Variants in MICALL1 observed in about 807,000 individuals in gnomAD.
The protein encoded by MICALL1 is MICAL-like protein 1.
A neutral mutation model predicts 83.7 loss-of-function variants in MICALL1; 61 were observed. That is an observed-to-expected ratio of 0.73 (90% CI 0.59 to 0.90). MICALL1 has a LOEUF of 0.90. Ranked by LOEUF, MICALL1 falls within the 40% of genes least tolerant of loss-of-function variation. The probability of loss-of-function intolerance (pLI) is 0.00; values close to 1 mark genes in which losing one functional copy is unlikely to be tolerated. For synonymous variants in MICALL1, 481 were observed against 473.6 expected, an observed-to-expected ratio of 1.02 and a Z score of -0.20; for missense variants, 1,066 against 1,152.0, an observed-to-expected ratio of 0.93 and a Z score of 1.08.
rs897655503 is a variant in MICALL1 at position 37,927,744 on chromosome 22, C to T, written c.1799C>T (p.Ala600Val). 1.9e-6 allele frequency: 3 copies of T among 1,613,860 alleles called. No homozygotes were observed. Among genetic ancestry groups the T allele is most frequent in the Admixed American group, 3.3e-5 (2 of 60,012 alleles). The change falls in exon 9 of 16, where the codon GCC (alanine) becomes GTC (valine). Residue 600 changes from alanine (A) to valine (V), a missense_variant. Transcript: ENST00000215957. ...CAGCCAGCCAAGCCCTGCAGTGGCG[C>T]CACCCCAACGCCTCTCTTGTTGGTT... ...GPQPAKPCSG[A>V]TPTPLLLVGD...
Position 37,942,000 on chromosome 22 carries a change from T to C in MICALL1, c.*1170T>C, listed in dbSNP as rs553429988. ...TTTCCTCACCAATAAACAGACAACC[T>C]CAACTGCCAGTGCCCTGCAGCCTCG... On this transcript the variant is annotated 3_prime_UTR_variant, in exon 16 of 16. Coordinates refer to ENST00000215957, the MANE Select transcript of MICALL1 (RefSeq NM_033386.4). The C allele has an allele frequency of 6.6e-6, 1 of 152,354 alleles. No individual in the cohort carries two copies. The highest frequency in any genetic ancestry group is 1.5e-5 in the Non-Finnish European group (1 of 68,060). 9.4% of individuals were successfully genotyped at this position (152,354 alleles called of 1,614,324 possible).
chr22:37,932,547 G>T lies in MICALL1; in HGVS notation c.2017-6G>T, dbSNP rs1290458946. 7 of 1,613,902 alleles carry T rather than the reference G, an allele frequency of 4.3e-6. No individual in the cohort carries two copies. The highest frequency in any genetic ancestry group is 2.2e-5 in the South Asian group (2 of 91,054). On this transcript the variant is annotated splice_region_variant and splice_polypyrimidine_tract_variant and intron_variant, in intron 10 of 15. Coordinates refer to ENST00000215957, the MANE Select transcript of MICALL1 (RefSeq NM_033386.4). This position sits in a 1 kb window ranked among gnomAD's most constrained non-coding sequence, Gnocchi z 4.4. Reference sequence around the variant, plus strand: ...GGCCGTCAGGTGACCAGGCACTGTTGGGCAGGTCCAGGCTGACCAGTACAT... The same window carrying T: ...GGCCGTCAGGTGACCAGGCACTGTTTGGCAGGTCCAGGCTGACCAGTACAT...
chr22:37,919,848 G>A (rs1297531876), intron 5 of MICALL1, among the ~76,000 whole-genome samples: 1 of 151,994 alleles, frequency 6.6e-6, no homozygotes, highest in African/African-American at 2.4e-5. Flanking sequence ...AATTAGCTGG[G>A]TGTGGTCGTG....
chr22:37,913,660 A>G (rs1251910311), intron 3 of MICALL1, among the ~76,000 whole-genome samples: 2 of 152,158 alleles, frequency 1.3e-5, no homozygotes, highest in Admixed American at 6.6e-5. Context: ...CCTCCCTTGC[A>G]GGTAGCTGGG....
chr22:37,925,697 G>A lies in MICALL1; in HGVS notation c.1119G>A (p.Thr373=), dbSNP rs199628702. 110 of 1,606,216 alleles carry A rather than the reference G, an allele frequency of 6.8e-5. No individual in the cohort carries two copies. The highest frequency in any genetic ancestry group is 1.9e-4 in the Admixed American group (11 of 59,356). ...PAPRKDPPWI[T]LVQAEPKKKP... is the part of the protein sequence containing the mutation. The stretch of plus-strand genomic sequence containing the variant: ...CCAGGAAGGACCCCCCATGGATCAC[G>A]CTGGTGCAGGCAGAACCAAAGAAGA... The change falls in exon 8 of 16, where the codon ACG becomes ACA. Residue 373 remains threonine, a synonymous_variant. Coordinates refer to ENST00000215957, the MANE Select transcript of MICALL1 (RefSeq NM_033386.4).
In MICALL1 at chr22:37,925,127, G is replaced by A. The variant is rs148125108; in HGVS notation, c.1082+410G>A. Reference sequence around the variant, plus strand: ...AGCACGGGACCCTGCTTCACGTGGAGGACATCTACTTCAGCTGTTATTTGA... The same window carrying A: ...AGCACGGGACCCTGCTTCACGTGGAAGACATCTACTTCAGCTGTTATTTGA... On this transcript the variant is annotated intron_variant, in intron 7 of 15. Transcript: ENST00000215957. Among the ~76,000 whole-genome samples the A allele has an allele frequency of 9.2e-3, 1,408 of 152,322 alleles. 19 individuals are homozygous for A. Among genetic ancestry groups the A allele is most frequent in the Non-Finnish European group, 0.014 (951 of 68,034 alleles).
Position 37,927,465 on chromosome 22 carries a change from C to T in MICALL1, c.1520C>T (p.Pro507Leu). 6.2e-7 allele frequency: 1 copy of T among 1,607,400 alleles called. No individual in the cohort carries two copies. The highest frequency in any genetic ancestry group is 1.1e-5 in the South Asian group (1 of 90,978). ...HSEPPSATPS[P>L]ALSVESLSSE... ...GAGCCGCCCTCGGCCACACCATCGC[C>T]AGCGCTCAGCGTGGAGAGCCTGTCG... is the stretch of plus-strand genomic sequence containing the variant. Residue 507 changes from proline (P) to leucine (L), a missense_variant, in exon 9 of 16, where the codon CCA (proline) becomes CTA (leucine). By Grantham distance (98) the Pro-to-Leu change is moderately conservative. Coordinates refer to ENST00000215957, the MANE Select transcript of MICALL1 (RefSeq NM_033386.4).
intron 9 of MICALL1, among the ~76,000 whole-genome samples, chr22:37,929,614 C>CCAGG (rs953661388): frequency 6.6e-6 from 1 of 152,170 alleles, no homozygotes; most frequent in African/African-American, 2.4e-5. Flanking sequence ...GGGCACCCAT[C>CCAGG]CAGGCTGCTC....
At chr22:37,921,947 G>T in intron 5 of MICALL1, 25 bp from the exon 6 acceptor site, 1 of 1,514,264 alleles carries the variant, frequency 6.6e-7, no homozygotes, top group Non-Finnish European at 8.9e-7. Flanking sequence ...CTGGCTAAGT[G>T]AACCCCTGTC....
Position 37,939,773 on chromosome 22 carries a change from C to CAAAAAA in MICALL1, c.2471-917_2471-912dup, listed in dbSNP as rs147934175. Among the ~76,000 whole-genome samples, 20 of 44,336 alleles carry CAAAAAA rather than the reference C, an allele frequency of 4.5e-4. 1 individual carries two copies. The highest frequency in any genetic ancestry group is 6.9e-4 in the Non-Finnish European group (17 of 24,792). 29.1% of individuals were successfully genotyped at this position (44,336 alleles called of 152,430 possible). ...TGGGCGACAGCACAAGTCTCCGTCTCAAAAAAAAAAAAAAAAAAAAAAAAG... is the reference window on the plus strand; with the variant it reads ...TGGGCGACAGCACAAGTCTCCGTCTCAAAAAAAAAAAAAAAAAAAAAAAAAAAAAAG... On this transcript the variant is annotated intron_variant, in intron 15 of 15. Transcript: ENST00000215957.
intron 1 of MICALL1, 69 bp from the exon 2 acceptor site, chr22:37,911,883 C>G (rs368947905): frequency 6.6e-7 from 1 of 1,509,828 alleles, no homozygotes. Flanking sequence ...TCCTTTCTGA[C>G]TCTGACCCCG....
In MICALL1 at chr22:37,919,298, C is replaced by T; in HGVS notation, c.569+120C>T. 2.4e-6 allele frequency: 3 copies of T among 1,237,538 alleles called. No homozygotes were observed. The South Asian group carries it at 6.1e-5, about 25-fold the overall frequency. 76.7% of individuals were successfully genotyped at this position (1,237,538 alleles called of 1,614,324 possible). On this transcript the variant is annotated intron_variant, in intron 5 of 15. Transcript: ENST00000215957. ...TCACACCAGAGCCCCTGGCTTATCC[C>T]CATTTTACTGATGAGCAAACCAAGG... is the stretch of plus-strand genomic sequence containing the variant.
intron 15 of MICALL1, 72 bp downstream of exon 15, chr22:37,937,864 G>T (rs760130409): frequency 2.3e-5 from 37 of 1,594,054 alleles, no homozygotes; most frequent in Non-Finnish European, 3.2e-5. Flanking sequence ...GGAGGGACTG[G>T]TTGAAGGGAG....
Position 37,924,528 on chromosome 22 carries a change from TG to T in MICALL1, c.1025-130del. On this transcript the variant is annotated intron_variant, in intron 6 of 15. Transcript: ENST00000215957. The surrounding 1 kb of genome is among the most constrained non-coding windows in gnomAD (Gnocchi z 5.2). ...GGGTGCTTATCTAATCTCCATGGGC[TG>T]GCCTGGGGAGGTGCGAGGGTGCCAG... 2.6e-6 allele frequency: 2 copies of T among 782,434 alleles called. No individual in the cohort carries two copies. The highest frequency in any genetic ancestry group is 4.1e-6 in the Non-Finnish European group (2 of 488,782). 48.5% of individuals were successfully genotyped at this position (782,434 alleles called of 1,614,324 possible).
chr22:37,936,941 C>T (rs990983890), intron 13 of MICALL1, 139 bp from the exon 14 acceptor site: 11 of 646,732 alleles, frequency 1.7e-5, no homozygotes, highest in Non-Finnish European at 2.7e-5. Flanking sequence ...CTATCGGGGC[C>T]CTTCCTTTCT....
At position 37,922,033 on chromosome 22, in the gene MICALL1, A is replaced by G; in HGVS notation, c.631A>G (p.Thr211Ala). ...GAYENGPEEGTFVCAEHCARL... is the reference protein window; with the variant it reads ...GAYENGPEEGAFVCAEHCARL... ...TTATGAGAATGGGCCTGAGGAGGGCACCTTTGTGTGTGCAGAACACTGTGC... is the reference window on the plus strand; with the variant it reads ...TTATGAGAATGGGCCTGAGGAGGGCGCCTTTGTGTGTGCAGAACACTGTGC... The change falls in exon 6 of 16, where the codon ACC becomes GCC. Residue 211 changes from threonine to alanine, a missense_variant. By Grantham distance (58) the Thr-to-Ala change is moderately conservative. Coordinates refer to ENST00000215957, the MANE Select transcript of MICALL1 (RefSeq NM_033386.4). 6.2e-7 allele frequency: 1 copy of G among 1,612,486 alleles called. No homozygotes were observed. Among genetic ancestry groups the G allele is most frequent in the Non-Finnish European group, 8.5e-7 (1 of 1,179,332 alleles).
rs1035428811 is a variant in MICALL1, at chr22:37,917,594, G to T, written c.338-113G>T. The T allele has an allele frequency of 4.4e-6, 4 of 909,746 alleles. No homozygotes were observed. The African/African-American group carries it at 4.9e-5, about 11-fold the overall frequency. 56.4% of individuals were successfully genotyped at this position (909,746 alleles called of 1,614,324 possible). On this transcript the variant is annotated intron_variant, in intron 3 of 15. Coordinates refer to ENST00000215957, the MANE Select transcript of MICALL1 (RefSeq NM_033386.4). ...AGCCAGCTCCTGTCCCACTGCATTA[G>T]GTGGTCTGCCTTTAGGTGATGGCTA... is the stretch of plus-strand genomic sequence containing the variant.
rs1008760240 is a variant in MICALL1, at chr22:37,935,549, G to A, written c.2309-1531G>A. Among the ~76,000 whole-genome samples, 5 of 151,654 alleles carry A rather than the reference G, an allele frequency of 3.3e-5. No individual in the cohort carries two copies. The East Asian group carries it at 5.9e-4, about 18-fold the overall frequency. ...GCTGGGATTACAGGCGTGAGCCACC[G>A]CACCCGGCCTATTATTTTTTTGAGA... On this transcript the variant is annotated intron_variant, in intron 13 of 15. Coordinates refer to ENST00000215957, the MANE Select transcript of MICALL1 (RefSeq NM_033386.4).
chr22:37,906,397 G>GC lies in MICALL1; in HGVS notation c.-24dup. 2.8e-6 allele frequency: 3 copies of GC among 1,090,874 alleles called. No homozygotes were observed. The highest frequency in any genetic ancestry group is 3.3e-6 in the Non-Finnish European group (3 of 898,334). 67.6% of individuals were successfully genotyped at this position (1,090,874 alleles called of 1,614,324 possible). On this transcript the variant is annotated 5_prime_UTR_variant, in exon 1 of 16. Transcript: ENST00000215957. The surrounding 1 kb of genome is among the most constrained non-coding windows in gnomAD (Gnocchi z 4.4). ...GCCAAGCCGGGGCCCCGAAGCCAGAGCCGGAGCCGGGCGGGCCGCGGGGTC... is the reference window on the plus strand; with the variant it reads ...GCCAAGCCGGGGCCCCGAAGCCAGAGCCCGGAGCCGGGCGGGCCGCGGGGTC...
Sources: gnomAD v4.1 joint callset for allele counts (sites outside exome capture counted in the v4.1 genomes callset) on GRCh38, gnomAD v4.1.1 for gene constraint, Gnocchi (gnomAD v3.1) non-coding constraint, MANE v1.5 for transcripts, NCBI Gene and HGNC (gene_info 2026-07-23, HGNC 2026-07-21) for gene names.